Variants in ANK3 observed in about 807,000 individuals in gnomAD.
ANK3 encodes ankyrin 3, also known as ankyrin-3.
ANK3 carries 57 observed loss-of-function variants against 370.9 expected under a neutral mutation model. The observed-to-expected ratio is 0.15, with a 90% CI of 0.12 to 0.19. The LOEUF is 0.19. Among genes scored for constraint, ANK3 ranks in the 10% least tolerant of loss-of-function variants. ANK3 has a pLI of 1.00. For missense variants in ANK3, 4,439 were observed against 5,302.1 expected, an observed-to-expected ratio of 0.84 and a Z score of 5.06; for synonymous variants, 1,929 against 1,946.3, an observed-to-expected ratio of 0.99 and a Z score of 0.23.
In ANK3 at chr10:60,714,321, A is replaced by G. The variant is rs141127501; in HGVS notation, c.57+18942T>C. ...TGGTGACTTCGACCAAAAATTTGAG[A>G]AGAAAATACTAGTTTTCTACAATCT... On this transcript the variant is annotated intron_variant, in intron 1 of 43. Transcript: ENST00000373827. 3.3e-3 allele frequency among the ~76,000 whole-genome samples: 505 copies of G among 152,310 alleles called. 3 individuals are homozygous for G. The highest frequency in any genetic ancestry group is 0.012 in the African/African-American group (480 of 41,564).
At chr10:60,079,227 C>CACACACA (rs1479559341) in intron 36 of ANK3, among the ~76,000 whole-genome samples, 1 of 52,134 alleles carries the variant, frequency 1.9e-5, no homozygotes, top group Non-Finnish European at 4.4e-5. Flanking sequence ...ACACACACAC[C>CACACACA]CCTCTTCTGC....
chr10:60,720,763 C>T (rs149779562), intron 1 of ANK3, among the ~76,000 whole-genome samples: 170 of 152,232 alleles, frequency 1.1e-3, no homozygotes, highest in African/African-American at 3.7e-3. Flanking sequence ...CAGGTGCACA[C>T]CACTATGCCC....
chr10:60,105,777 A>G (rs2092082902), intron 28 of ANK3, 128 bp downstream of exon 28: 2 of 947,384 alleles, frequency 2.1e-6, no homozygotes, highest in East Asian at 5.6e-5. Context: ...CAGCAACAAA[A>G]GCTGAAGAAC....
At chr10:60,405,833 A>C (rs925689672) in intron 2 of ANK3, among the ~76,000 whole-genome samples, 2 of 152,198 alleles carry the variant, frequency 1.3e-5, no homozygotes, top group African/African-American at 2.4e-5. Flanking sequence ...TAATCGTAGA[A>C]TCTAAGGGCA....
chr10:60,312,704 A>G (rs1220743526), intron 1 of ANK3, among the ~76,000 whole-genome samples: 1 of 152,216 alleles, frequency 6.6e-6, no homozygotes, highest in Non-Finnish European at 1.5e-5. Context: ...AATCTTTATT[A>G]GGGTTAAAAA....
At chr10:60,298,830 G>A (rs1231451808) in intron 1 of ANK3, among the ~76,000 whole-genome samples, 2 of 152,144 alleles carry the variant, frequency 1.3e-5, no homozygotes, top group Admixed American at 6.5e-5. Flanking sequence ...ACTCGTTACA[G>A]CAAGCCTTAT....
chr10:60,194,621 G>A (rs2096554583), intron 16 of ANK3, among the ~76,000 whole-genome samples: 1 of 152,178 alleles, frequency 6.6e-6, no homozygotes, highest in Non-Finnish European at 1.5e-5. Context: ...TCCTTTGTGT[G>A]TATATGCACA....
intron 23 of ANK3, chr10:60,145,967 C>A (rs1286993588): frequency 1.1e-6 from 1 of 876,252 alleles, no homozygotes; most frequent in South Asian, 1.4e-5. Flanking sequence ...GGGAGACTTA[C>A]TTTTCACCGT....
chr10:60,531,625 C>A (rs974505950), intron 2 of ANK3, among the ~76,000 whole-genome samples: 1 of 150,762 alleles, frequency 6.6e-6, no homozygotes, highest in Non-Finnish European at 1.5e-5. Context: ...AAGTTAATAA[C>A]TTTTATGTGA....
At chr10:60,081,515 C>A (rs2085243985) in intron 35 of ANK3, 1 of 440,528 alleles carries the variant, frequency 2.3e-6, no homozygotes, top group South Asian at 1.6e-5. Context: ...CTTAATTGAA[C>A]TATATTCTTA....
At chr10:60,561,321 T>C (rs1311992921) in intron 2 of ANK3, among the ~76,000 whole-genome samples, 1 of 152,238 alleles carries the variant, frequency 6.6e-6, no homozygotes, top group Non-Finnish European at 1.5e-5. Context: ...GGTTTAAGTT[T>C]CTGATGTACA....
At position 60,085,236 on chromosome 10, in the gene ANK3, G is replaced by T; in HGVS notation, c.3766C>A (p.Gln1256Lys). ...CSITGGTSPA[Q>K]WEDITGTTPL... is the part of the protein sequence containing the mutation. ...GTTGTTCCTGTGATGTCTTCCCACTGAGCAGGCGAAGTGCCCCCTGAGAGA... is the reference window on the plus strand; with the variant it reads ...GTTGTTCCTGTGATGTCTTCCCACTTAGCAGGCGAAGTGCCCCCTGAGAGA... Residue 1256 changes from glutamine to lysine, a missense_variant, in exon 31 of 44, where the codon CAG becomes AAG. Physicochemically the swap from Gln to Lys is moderately conservative, Grantham distance 53 (BLOSUM62 1). Coordinates refer to ENST00000280772, the MANE Select transcript of ANK3 (RefSeq NM_020987.5). 2.5e-6 allele frequency: 4 copies of T among 1,612,646 alleles called. No individual in the cohort carries two copies. The highest frequency in any genetic ancestry group is 3.4e-6 in the Non-Finnish European group (4 of 1,179,278).
intron 2 of ANK3, among the ~76,000 whole-genome samples, chr10:60,477,167 T>C (rs2075088391): frequency 6.6e-6 from 1 of 152,126 alleles, no homozygotes; most frequent in Admixed American, 6.6e-5. Context: ...GCTTTGATGC[T>C]AACATTTTTG....
At chr10:60,626,781 G>A (rs1055057524) in intron 1 of ANK3, among the ~76,000 whole-genome samples, 3 of 152,164 alleles carry the variant, frequency 2.0e-5, no homozygotes, top group African/African-American at 7.2e-5. Context: ...GGTAGAGTTG[G>A]ACAGGGTTAA....
At chr10:60,548,340 T>G (rs758670986) in intron 2 of ANK3, among the ~76,000 whole-genome samples, 2 of 150,670 alleles carry the variant, frequency 1.3e-5, no homozygotes, top group Non-Finnish European at 3.0e-5. Context: ...GCCTTCCCAG[T>G]GGCTGGGATC....
chr10:60,377,528 T>C (rs536511369), intron 1 of ANK3, among the ~76,000 whole-genome samples: 13 of 152,208 alleles, frequency 8.5e-5, no homozygotes, highest in Non-Finnish European at 1.5e-4. Flanking sequence ...GCACCATTAT[T>C]TAAAAAGCAC....
At chr10:60,487,780 T>C (rs1426505259) in intron 2 of ANK3, among the ~76,000 whole-genome samples, 1 of 151,260 alleles carries the variant, frequency 6.6e-6, no homozygotes, top group East Asian at 1.9e-4. Flanking sequence ...CATAGCGCGA[T>C]CTCGGCTCAC....
chr10:60,261,260 TA>T (rs2132640335), intron 7 of ANK3, among the ~76,000 whole-genome samples: 1 of 152,334 alleles, frequency 6.6e-6, no homozygotes, highest in East Asian at 1.9e-4. Flanking sequence ...CACCAGTTTT[TA>T]AATTGAGAGC....
At chr10:60,429,216 A>G (rs1167387164) in intron 2 of ANK3, among the ~76,000 whole-genome samples, 1 of 152,144 alleles carries the variant, frequency 6.6e-6, no homozygotes, top group Non-Finnish European at 1.5e-5. Context: ...ACTATTTGAC[A>G]ATTGTTGAGT....
Sources: allele counts gnomAD v4.1 joint callset (sites outside exome capture counted in the v4.1 genomes callset), GRCh38; gene constraint gnomAD v4.1.1; transcripts MANE v1.5; gene names NCBI Gene and HGNC (gene_info 2026-07-23, HGNC 2026-07-21).